The following IQCK variants were observed in gnomAD, a reference collection of about 807,000 sequenced individuals.
The protein encoded by IQCK is IQ domain-containing protein K.
In IQCK, 29 loss-of-function variants were observed where a neutral mutation model predicts 28.1. The ratio of observed to expected loss-of-function variants is 1.03; its 90% CI spans 0.77 to 1.41. The LOEUF is 1.41. Among genes scored for constraint, IQCK ranks in the 40% most tolerant of loss-of-function variants. IQCK has a pLI of 0.00. For synonymous variants in IQCK, 113 were observed against 115.1 expected, an observed-to-expected ratio of 0.98 and a Z score of 0.12; for missense variants, 359 against 314.7, an observed-to-expected ratio of 1.14 and a Z score of -1.07.
intron 6 of IQCK, among the ~76,000 whole-genome samples, chr16:19,770,181 T>A (rs755654571): frequency 1.3e-5 from 2 of 152,182 alleles, no homozygotes; most frequent in African/African-American, 2.4e-5. Flanking sequence ...GGACAAGGGC[T>A]GAACCGAGGG....
intron 9 of IQCK, among the ~76,000 whole-genome samples, chr16:19,832,676 T>G (rs557883274): frequency 1.6e-4 from 24 of 152,216 alleles, no homozygotes; most frequent in Non-Finnish European, 3.2e-4. Context: ...TAGTCCATTT[T>G]CACACTGCTA....
intron 2 of IQCK, among the ~76,000 whole-genome samples, chr16:19,731,842 AAATCC>A (rs1377204742): frequency 6.6e-6 from 1 of 152,214 alleles, no homozygotes; most frequent in African/African-American, 2.4e-5. Context: ...GGCTCAGTCC[AAATCC>A]AAAAGCCTCA....
At chr16:19,833,381 A>C (rs1000353317) in intron 9 of IQCK, among the ~76,000 whole-genome samples, 1 of 152,216 alleles carries the variant, frequency 6.6e-6, no homozygotes, top group Non-Finnish European at 1.5e-5. Context: ...TACATTATGC[A>C]ATGTGAATCA....
chr16:19,761,667 AAGAC>A, intron 4 of IQCK: 1 of 290,286 alleles, frequency 3.4e-6, no homozygotes, highest in African/African-American at 2.2e-5. Flanking sequence ...ATGGAAATAG[AAGAC>A]AGGATATCTG....
intron 1 of IQCK, among the ~76,000 whole-genome samples, chr16:19,728,346 T>G (rs1977724401): frequency 2.0e-5 from 3 of 152,162 alleles, no homozygotes; most frequent in Admixed American, 6.6e-5. Flanking sequence ...CCTCCCTGGT[T>G]CAAATGATTC....
At chr16:19,724,195 T>C (rs906391036) in intron 1 of IQCK, among the ~76,000 whole-genome samples, 25 of 152,182 alleles carry the variant, frequency 1.6e-4, no homozygotes, top group African/African-American at 5.8e-4. Context: ...TTTATCTCTC[T>C]AGACTCAGTC....
At chr16:19,845,334 C>A (rs1163070753) in intron 9 of IQCK, among the ~76,000 whole-genome samples, 3 of 152,236 alleles carry the variant, frequency 2.0e-5, no homozygotes, top group Non-Finnish European at 4.4e-5. Flanking sequence ...GAGCTTCTGC[C>A]AGTCTGAACT....
chr16:19,755,622 T>C (rs2055041839), intron 4 of IQCK, among the ~76,000 whole-genome samples: 1 of 152,202 alleles, frequency 6.6e-6, no homozygotes, highest in Non-Finnish European at 1.5e-5. Flanking sequence ...AGAACCGTTG[T>C]TGGATGACTG....
intron 6 of IQCK, among the ~76,000 whole-genome samples, chr16:19,778,521 A>G (rs1361125980): frequency 2.0e-5 from 3 of 151,964 alleles, no homozygotes; most frequent in South Asian, 2.1e-4. Context: ...GCTGGGTGTG[A>G]TGGCAGACAC....
chr16:19,821,037 A>G (rs2056064983), intron 7 of IQCK, among the ~76,000 whole-genome samples: 1 of 152,164 alleles, frequency 6.6e-6, no homozygotes, highest in Non-Finnish European at 1.5e-5. Flanking sequence ...ATCTACTAGG[A>G]TGGCTATAGT....
At chr16:19,769,312 A>G (rs1485936872) in intron 6 of IQCK, among the ~76,000 whole-genome samples, 1 of 152,234 alleles carries the variant, frequency 6.6e-6, no homozygotes, top group East Asian at 1.9e-4. Flanking sequence ...GAATGTGTGG[A>G]CATATTTATT....
chr16:19,768,513 G>A (rs1439514226), intron 6 of IQCK, among the ~76,000 whole-genome samples: 1 of 152,196 alleles, frequency 6.6e-6, no homozygotes, highest in Admixed American at 6.5e-5. Flanking sequence ...TTGGGAGGCT[G>A]AGGCAGGCAG....
chr16:19,855,584 A>G (rs573063139), intron 9 of IQCK, among the ~76,000 whole-genome samples: 2 of 152,278 alleles, frequency 1.3e-5, no homozygotes, highest in Middle Eastern at 3.4e-3. Context: ...CTGTCCCCAA[A>G]AAAACAAAAA....
intron 9 of IQCK, among the ~76,000 whole-genome samples, chr16:19,852,686 G>A (rs569113338): frequency 3.4e-5 from 5 of 146,974 alleles, no homozygotes; most frequent in African/African-American, 7.6e-5. Context: ...GCAGTGACGC[G>A]ATCTTGGCTT....
intron 9 of IQCK, among the ~76,000 whole-genome samples, chr16:19,853,971 C>T (rs1470833175): frequency 6.6e-6 from 1 of 152,264 alleles, no homozygotes; most frequent in Admixed American, 6.5e-5. Context: ...GTGAGACTCA[C>T]AGGCAGCCAG....
intron 9 of IQCK, among the ~76,000 whole-genome samples, chr16:19,849,989 G>A (rs190959700): frequency 1.3e-5 from 2 of 152,272 alleles, no homozygotes; most frequent in Admixed American, 1.3e-4. Context: ...GTGCTGCACC[G>A]TATTTTCCCA....
At chr16:19,770,679 G>A (rs1342655553) in intron 6 of IQCK, among the ~76,000 whole-genome samples, 2 of 152,166 alleles carry the variant, frequency 1.3e-5, no homozygotes, top group Non-Finnish European at 2.9e-5. Context: ...GTGGAGTGCA[G>A]TTGTGAAATC....
intron 4 of IQCK, among the ~76,000 whole-genome samples, chr16:19,739,059 G>T (rs1290178959): frequency 1.3e-5 from 2 of 152,166 alleles, no homozygotes; most frequent in African/African-American, 2.4e-5. Flanking sequence ...CTCTCAGCTT[G>T]CATGGCCCAC....
chr16:19,782,977 C>T (rs1336441964), intron 6 of IQCK, among the ~76,000 whole-genome samples: 2 of 143,200 alleles, frequency 1.4e-5, no homozygotes, highest in Non-Finnish European at 3.0e-5. Context: ...AGAATTATAG[C>T]GTTGATTCTT....
Sources: allele counts gnomAD v4.1 joint callset (sites outside exome capture counted in the v4.1 genomes callset), GRCh38; gene constraint gnomAD v4.1.1; transcripts MANE v1.5; gene names NCBI Gene and HGNC (gene_info 2026-07-23, HGNC 2026-07-21).